Variants in GRXCR1 observed in about 807,000 individuals in gnomAD.
GRXCR1 encodes glutaredoxin and cysteine rich domain containing 1.
A neutral mutation model predicts 27.3 loss-of-function variants in GRXCR1; 27 were observed. The observed-to-expected ratio is 0.99, with a 90% CI of 0.73 to 1.37. The LOEUF (loss-of-function observed/expected upper bound fraction) is 1.37, where lower values mean the gene tolerates loss of function less well. Ranked by LOEUF, GRXCR1 falls within the 40% of genes most tolerant of loss-of-function variation. The pLI is 0.00. For missense variants in GRXCR1, 379 were observed against 354.4 expected (o/e 1.07, Z -0.56); for synonymous variants, 122 against 131.1 (o/e 0.93, Z 0.47).
chr4:42,980,142 T>G (rs1022096349), intron 2 of GRXCR1, among the ~76,000 whole-genome samples: 1 of 151,994 alleles, frequency 6.6e-6, no homozygotes, highest in African/African-American at 2.4e-5. Flanking sequence ...ATTTCATTTA[T>G]TTCTGTTCTC....
rs549364484 is a variant in GRXCR1 at position 43,012,738 on chromosome 4, T to G, written c.628-7616T>G. On this transcript the variant is annotated intron_variant, in intron 2 of 3. Coordinates refer to ENST00000399770, the MANE Select transcript of GRXCR1 (RefSeq NM_001080476.3). ...TTGAAGTTATTTGTCCAAGTTAATG[T>G]GTAAACTGATGAGCTAAGATTTAAT... Among the ~76,000 whole-genome samples the G allele has an allele frequency of 2.0e-5, 3 of 152,316 alleles. No individual in the cohort carries two copies. In the East Asian group the frequency reaches 5.8e-4, roughly 29 times the overall value.
chr4:42,956,661 A>G (rs1428676449), intron 1 of GRXCR1, among the ~76,000 whole-genome samples: 1 of 152,082 alleles, frequency 6.6e-6, no homozygotes, highest in Non-Finnish European at 1.5e-5. Flanking sequence ...AATTTGCCCC[A>G]TATTCAGCCT....
At chr4:42,995,591 C>A (rs1193889329) in intron 2 of GRXCR1, among the ~76,000 whole-genome samples, 1 of 152,116 alleles carries the variant, frequency 6.6e-6, no homozygotes, top group Non-Finnish European at 1.5e-5. Flanking sequence ...ATGCACAAAG[C>A]TAATTGAGTG....
intron 3 of GRXCR1, among the ~76,000 whole-genome samples, chr4:43,020,630 T>A (rs146266261): frequency 6.6e-6 from 1 of 152,216 alleles, no homozygotes; most frequent in Non-Finnish European, 1.5e-5. Flanking sequence ...CTCATACTAT[T>A]AGGTGAGTGT....
At chr4:43,026,688 A>C (rs1713267994) in intron 3 of GRXCR1, among the ~76,000 whole-genome samples, 1 of 152,204 alleles carries the variant, frequency 6.6e-6, no homozygotes, top group South Asian at 2.1e-4. Flanking sequence ...GATTTTGCTC[A>C]TAAAGAGACC....
chr4:42,968,476 A>C (rs1748301577), intron 2 of GRXCR1, among the ~76,000 whole-genome samples: 1 of 152,058 alleles, frequency 6.6e-6, no homozygotes, highest in South Asian at 2.1e-4. Flanking sequence ...CACACACTAA[A>C]CAACAATGAA....
intron 2 of GRXCR1, among the ~76,000 whole-genome samples, chr4:43,018,936 C>T (rs78112647): frequency 6.6e-6 from 1 of 152,110 alleles, no homozygotes; most frequent in African/African-American, 2.4e-5. Context: ...CCTCAGAGAG[C>T]AATATATATT....
intron 2 of GRXCR1, among the ~76,000 whole-genome samples, chr4:42,994,728 C>A (rs1712090797): frequency 6.6e-6 from 1 of 152,058 alleles, no homozygotes; most frequent in Non-Finnish European, 1.5e-5. Flanking sequence ...GAAGACTTTC[C>A]TGAGGAAGTG....
chr4:43,026,044 T>C (rs1713249687), intron 3 of GRXCR1, among the ~76,000 whole-genome samples: 1 of 132,894 alleles, frequency 7.5e-6, no homozygotes, highest in Non-Finnish European at 1.6e-5. Context: ...AAGCCTGTTT[T>C]GTTACTAGTT....
In GRXCR1 at chr4:43,030,582, A is replaced by G; in HGVS notation, c.*42A>G. 1 of 1,485,730 alleles carries G rather than the reference A, an allele frequency of 6.7e-7. No homozygotes were observed. Among genetic ancestry groups the G allele is most frequent in the Non-Finnish European group, 9.4e-7 (1 of 1,063,148 alleles). The allele number at this position is 1,485,730 out of a possible 1,614,324, so 92.0% of individuals were successfully genotyped here. ...GGAAAAACCTCATTTTATTAATCAA[A>G]GGCAATACTTTGGTTTATATATATA... On this transcript the variant is annotated 3_prime_UTR_variant, in exon 4 of 4. Transcript: ENST00000399770.
chr4:42,937,046 T>A (rs1330580084), intron 1 of GRXCR1, among the ~76,000 whole-genome samples: 3 of 151,922 alleles, frequency 2.0e-5, no homozygotes, highest in African/African-American at 7.2e-5. Context: ...CTCTACTTCC[T>A]TGAGAATGAA....
intron 3 of GRXCR1, among the ~76,000 whole-genome samples, chr4:43,026,973 A>G (rs1433147741): frequency 3.3e-5 from 5 of 152,302 alleles, no homozygotes; most frequent in Admixed American, 2.6e-4. Flanking sequence ...ATTGAAACAC[A>G]TTTACTCTCC....
chr4:43,028,922 T>G (rs2109811684), intron 3 of GRXCR1, among the ~76,000 whole-genome samples: 1 of 152,334 alleles, frequency 6.6e-6, no homozygotes, highest in South Asian at 2.1e-4. Context: ...AACAACTACT[T>G]TCTGTGATTC....
chr4:42,980,566 C>G lies in GRXCR1; in HGVS notation c.627+17432C>G, dbSNP rs75166031. The stretch of plus-strand genomic sequence containing the variant: ...CTTATTTTGTGGCCTAACATGTGAT[C>G]TGTCCTGAAGACTGTTCCATGTGCA... On this transcript the variant is annotated intron_variant, in intron 2 of 3. Coordinates refer to ENST00000399770, the MANE Select transcript of GRXCR1 (RefSeq NM_001080476.3). Among the ~76,000 whole-genome samples the G allele has an allele frequency of 7.0e-3, 1,065 of 152,116 alleles. 17 individuals are homozygous for G. Among genetic ancestry groups the G allele is most frequent in the East Asian group, 0.062 (322 of 5,188 alleles).
At chr4:42,977,110 C>T (rs1416593912) in intron 2 of GRXCR1, among the ~76,000 whole-genome samples, 1 of 151,988 alleles carries the variant, frequency 6.6e-6, no homozygotes, top group Non-Finnish European at 1.5e-5. Flanking sequence ...ACATAATGTT[C>T]TCCAGATTCA....
Position 43,006,614 on chromosome 4 carries a change from C to T in GRXCR1, c.628-13740C>T, listed in dbSNP as rs148964922. ...AGACCAGTTGATCTCAAAACACTGT[C>T]TCCTGATAAGATGTTATCAATGACA... On this transcript the variant is annotated intron_variant, in intron 2 of 3. Transcript: ENST00000399770. Among the ~76,000 whole-genome samples the T allele has an allele frequency of 5.1e-3, 784 of 152,320 alleles. 10 individuals are homozygous for T. The highest frequency in any genetic ancestry group is 0.018 in the African/African-American group (743 of 41,582).
chr4:42,923,279 T>C (rs928222466), intron 1 of GRXCR1, among the ~76,000 whole-genome samples: 10 of 152,164 alleles, frequency 6.6e-5, no homozygotes, highest in African/African-American at 2.4e-4. Flanking sequence ...GGATATGTGA[T>C]AACTGAGCTT....
chr4:42,913,793 G>T (rs1746820257), intron 1 of GRXCR1, among the ~76,000 whole-genome samples: 1 of 152,126 alleles, frequency 6.6e-6, no homozygotes, highest in Non-Finnish European at 1.5e-5. Context: ...TGTGGGCTGA[G>T]CCCAGGGCCC....
At chr4:42,989,053 A>G (rs1353061056) in intron 2 of GRXCR1, among the ~76,000 whole-genome samples, 1 of 152,204 alleles carries the variant, frequency 6.6e-6, no homozygotes, top group Non-Finnish European at 1.5e-5. Context: ...GCCTTTGCTT[A>G]TAGGCCTCCA....
Sources: allele counts gnomAD v4.1 joint callset (sites outside exome capture counted in the v4.1 genomes callset), GRCh38; gene constraint gnomAD v4.1.1; transcripts MANE v1.5; gene names NCBI Gene and HGNC (gene_info 2026-07-23, HGNC 2026-07-21).